Variants in SREBF1 observed in about 807,000 individuals in gnomAD.
The protein encoded by SREBF1 is sterol regulatory element-binding protein 1.
Under a neutral mutation model 100.1 loss-of-function variants are expected in SREBF1, and 45 were observed. That is an observed-to-expected ratio of 0.45 (90% CI 0.35 to 0.58). The LOEUF (loss-of-function observed/expected upper bound fraction) is 0.58. Among genes scored for constraint, SREBF1 ranks in the 20% least tolerant of loss-of-function variants. The pLI, the probability that SREBF1 is intolerant of heterozygous loss-of-function variation, is 0.00. For missense variants in SREBF1, 1,324 were observed against 1,539.4 expected, an observed-to-expected ratio of 0.86 and a Z score of 2.34; for synonymous variants, 657 against 681.8, an observed-to-expected ratio of 0.96 and a Z score of 0.57.
Position 17,834,176 on chromosome 17 carries a change from T to G in SREBF1, c.91+2551A>C, listed in dbSNP as rs9907536. 7.9e-3 allele frequency among the ~76,000 whole-genome samples: 1,210 copies of G among 152,264 alleles called. 19 individuals are homozygous for G. The highest frequency in any genetic ancestry group is 0.027 in the African/African-American group (1,123 of 41,554). The stretch of plus-strand genomic sequence containing the variant: ...GGCATGGTTATAGCTCACTGCAGCC[T>G]CTAAGTCCAGGCTCAAGCAATCCTC... On this transcript the variant is annotated intron_variant, in intron 1 of 18. Coordinates refer to ENST00000261646, the MANE Select transcript of SREBF1 (RefSeq NM_004176.5).
intron 15 of SREBF1, 33 bp downstream of exon 15, chr17:17,814,582 G>T: frequency 6.5e-7 from 1 of 1,537,106 alleles, no homozygotes. Context: ...GCTGAGCCCG[G>T]GACCAGGCAG....
In SREBF1 at chr17:17,814,883, C is replaced by A; in HGVS notation, c.2554G>T (p.Ala852Ser). ...LLNSCSDAAG[A>S]PAYSFSISSS... ...CTGATGGAGAAGCTGTAGGCAGGAG[C>A]CCCCGCAGCATCAGAACAGCTGTTC... The change falls in exon 14 of 19, where the codon GCT becomes TCT. Residue 852 changes from alanine to serine, a missense_variant. By Grantham distance (99) the Ala-to-Ser change is moderately conservative. Coordinates refer to ENST00000261646, the MANE Select transcript of SREBF1 (RefSeq NM_004176.5). 1 of 1,586,614 alleles carries A rather than the reference C, an allele frequency of 6.3e-7. No individual in the cohort carries two copies. Among genetic ancestry groups the A allele is most frequent in the Non-Finnish European group, 8.6e-7 (1 of 1,167,310 alleles).
chr17:17,815,090 A>G (rs1877698145), intron 13 of SREBF1, 131 bp downstream of exon 13: 8 of 1,225,054 alleles, frequency 6.5e-6, no homozygotes, highest in Non-Finnish European at 9.5e-6. Flanking sequence ...GAGGAAACTC[A>G]GAGAGGAATG....
chr17:17,813,218 C>T, intron 18 of SREBF1, 150 bp downstream of exon 18: 1 of 819,360 alleles, frequency 1.2e-6, no homozygotes, highest in South Asian at 1.5e-5. Flanking sequence ...GTCCTCCCAA[C>T]TGAGCCTCCC....
At chr17:17,831,741 A>C (rs1011131851) in intron 1 of SREBF1, among the ~76,000 whole-genome samples, 1 of 152,212 alleles carries the variant, frequency 6.6e-6, no homozygotes, top group Non-Finnish European at 1.5e-5. Context: ...TGAGGCCCAG[A>C]AGGAGACAGG....
At chr17:17,823,668 GCCCCGC>G (rs2034281455) in intron 1 of SREBF1, 5 of 1,140,740 alleles carry the variant, frequency 4.4e-6, no homozygotes, top group Middle Eastern at 3.0e-4. Flanking sequence ...GCCCCGCCCC[GCCCCGC>G]CCCCAGCCCC....
intron 1 of SREBF1, among the ~76,000 whole-genome samples, chr17:17,829,215 T>C (rs1356361949): frequency 4.9e-5 from 2 of 40,960 alleles, no homozygotes; most frequent in South Asian, 8.1e-4. Context: ...AATATATATA[T>C]ATATATATAT....
chr17:17,831,343 C>G (rs1185979954), intron 1 of SREBF1, among the ~76,000 whole-genome samples: 1 of 151,942 alleles, frequency 6.6e-6, no homozygotes, highest in Non-Finnish European at 1.5e-5. Context: ...TGACTAGAAG[C>G]AAGGCCCTGT....
chr17:17,819,089 AT>A lies in SREBF1; in HGVS notation c.991del (p.Ile331LeufsTer27). 1 of 1,614,050 alleles carries A rather than the reference AT, an allele frequency of 6.2e-7. No homozygotes were observed. On this transcript the variant is annotated frameshift_variant, in exon 5 of 19. Transcript: ENST00000261646. LOFTEE classifies it high-confidence loss of function. ...RGEKRTAHNAIEKRYRSSIND... is the reference protein window; with the variant it reads ...RGEKRTAHNAXEKRYRSSIND... ...GATGGAGGAGCGGTAGCGCTTCTCAATGGCGTTGTGGGCTGTGCGCTTCTCT... is the reference window on the plus strand; with the variant it reads ...GATGGAGGAGCGGTAGCGCTTCTCAAGGCGTTGTGGGCTGTGCGCTTCTCT...
At position 17,814,685 on chromosome 17, in the gene SREBF1, G is replaced by A. The variant is rs1165343365; in HGVS notation, c.2665C>T (p.Arg889Trp). Residue 889 changes from arginine (R) to tryptophan (W), a missense_variant, in exon 15 of 19, where the codon CGG becomes TGG. Physicochemically the swap from Arg to Trp is moderately radical, Grantham distance 101. Transcript: ENST00000261646. ...LTAVVIHWLR[R>W]DEEAAERLCP... Reference sequence around the variant, plus strand: ...AGCCGCTCAGCCGCCTCCTCATCCCGCCGCAGCCAGTGGATCACCACAGCT... The same window carrying A: ...AGCCGCTCAGCCGCCTCCTCATCCCACCGCAGCCAGTGGATCACCACAGCT... The A allele has an allele frequency of 1.2e-5, 19 of 1,592,934 alleles. No individual in the cohort carries two copies. The highest frequency in any genetic ancestry group is 5.4e-5 in the African/African-American group (4 of 74,506).
At position 17,816,563 on chromosome 17, in the gene SREBF1, G is replaced by T; in HGVS notation, c.1941C>A (p.Gly647=). The T allele has an allele frequency of 2.5e-6, 4 of 1,604,724 alleles. No individual in the cohort carries two copies. The highest frequency in any genetic ancestry group is 2.5e-6 in the Non-Finnish European group (3 of 1,176,686). The change falls in exon 10 of 19, where the codon GGC becomes GGA. Residue 647 remains glycine, a synonymous_variant. Coordinates refer to ENST00000261646, the MANE Select transcript of SREBF1 (RefSeq NM_004176.5). ...QRLWVGRWLA[G]RAGGLQQDCA... ...AGTCCTGCTGCAGGCCCCCTGCCCG[G>T]CCTGCCAGCCAGCGGCCCACCCAGA...
intron 12 of SREBF1, 64 bp from the exon 13 acceptor site, chr17:17,815,393 G>T: frequency 7.1e-7 from 1 of 1,403,626 alleles, no homozygotes. Context: ...CAAGCTAAGG[G>T]CTTTTTCCTG....
Position 17,819,576 on chromosome 17 carries a change from C to G in SREBF1, c.673G>C (p.Val225Leu). ...TVTAAPTAAP[V>L]TTTVTSQIQQ... is the part of the protein sequence containing the mutation. The stretch of plus-strand genomic sequence containing the variant: ...ATCTGCGAGGTCACAGTGGTCGTTA[C>G]AGGGGCTGCCGTGGGGGCAGCTGTG... Residue 225 changes from valine to leucine, a missense_variant, in exon 3 of 19, where the codon GTA becomes CTA. Coordinates refer to ENST00000261646, the MANE Select transcript of SREBF1 (RefSeq NM_004176.5). 6.2e-7 allele frequency: 1 copy of G among 1,613,866 alleles called. No homozygotes were observed. Among genetic ancestry groups the G allele is most frequent in the South Asian group, 1.1e-5 (1 of 91,076 alleles).
chr17:17,819,005 C>T lies in SREBF1; in HGVS notation c.1068+8G>A, dbSNP rs374192592. 6.7e-5 allele frequency: 108 copies of T among 1,612,194 alleles called. No individual in the cohort carries two copies. The highest frequency in any genetic ancestry group is 8.6e-5 in the Non-Finnish European group (102 of 1,180,048). ...CCCCGGTCTGTGCCCCTGCAGGCCT[C>T]TCCACACCTTTGCCTCAGTGCCCAC... On this transcript the variant is annotated splice_region_variant and intron_variant, in intron 5 of 18. Coordinates refer to ENST00000261646, the MANE Select transcript of SREBF1 (RefSeq NM_004176.5).
intron 1 of SREBF1, among the ~76,000 whole-genome samples, chr17:17,825,608 T>C (rs796643168): frequency 7.2e-4 from 103 of 143,542 alleles, no homozygotes; most frequent in Middle Eastern, 6.9e-3. Context: ...AATTTCTTTT[T>C]TTTTTTTTTT....
rs779939202 is a variant in SREBF1, at chr17:17,818,394, G to C, written c.1069-20C>G. ...ATTCAGCTGCACGGTGTGGGAGGGA[G>C]GGGGAGCGCACAGGTGGCCTGTCAG... On this transcript the variant is annotated intron_variant, in intron 5 of 18. Transcript: ENST00000261646. 10 of 1,598,270 alleles carry C rather than the reference G, an allele frequency of 6.3e-6. No homozygotes were observed. Among genetic ancestry groups the C allele is most frequent in the South Asian group, 1.1e-5 (1 of 90,716 alleles).
At chr17:17,813,820 G>A (rs2033223562) in intron 16 of SREBF1, 51 bp from the exon 17 acceptor site, 2 of 1,510,204 alleles carry the variant, frequency 1.3e-6, no homozygotes, top group African/African-American at 2.8e-5. Flanking sequence ...CTCTGGGAGG[G>A]GCAGGATGGG....
chr17:17,812,367 G>A lies in SREBF1; in HGVS notation c.*255C>T, dbSNP rs73981078. On this transcript the variant is annotated 3_prime_UTR_variant, in exon 19 of 19. Coordinates refer to ENST00000261646, the MANE Select transcript of SREBF1 (RefSeq NM_004176.5). ...AGGTGCCTGCAGAGCAAGGAGGGGG[G>A]CCCCCCAAAATGGCTCGGCCCCTGC... 3.7e-3 allele frequency: 2,180 copies of A among 581,486 alleles called. 27 individuals carry two copies. Among genetic ancestry groups the A allele is most frequent in the African/African-American group, 0.034 (1,768 of 52,502 alleles). The allele number at this position is 581,486 out of a possible 1,614,324, so 36.0% of individuals were successfully genotyped here.
Position 17,817,060 on chromosome 17 carries a change from C to T in SREBF1, c.1683G>A (p.Leu561=), listed in dbSNP as rs1814925469. The change falls in exon 9 of 19, where the codon TTG becomes TTA. Residue 561 remains leucine, a synonymous_variant. Transcript: ENST00000261646. This position sits in a 1 kb window ranked among gnomAD's most constrained non-coding sequence, Gnocchi z 6.6. ...GCTCACCGTAGACAAAGAGAAGCAC[C>T]AAGGAGACGAGCACCAACAGCCCAT... ...LLNGLLVLVS[L]VLLFVYGEPV... 1.2e-6 allele frequency: 2 copies of T among 1,613,034 alleles called. No homozygotes were observed. Among genetic ancestry groups the T allele is most frequent in the South Asian group, 1.1e-5 (1 of 91,086 alleles).
Sources: allele counts gnomAD v4.1 joint callset (sites outside exome capture counted in the v4.1 genomes callset), GRCh38; gene constraint gnomAD v4.1.1; non-coding constraint Gnocchi (gnomAD v3.1); transcripts MANE v1.5; gene names NCBI Gene and HGNC (gene_info 2026-07-23, HGNC 2026-07-21).